The following PDE4D variants were observed in gnomAD, a reference collection of about 807,000 sequenced individuals.
The protein encoded by PDE4D is 3',5'-cyclic-AMP phosphodiesterase 4D.
Under a neutral mutation model 87.4 loss-of-function variants are expected in PDE4D, and 24 were observed. The observed-to-expected ratio is 0.27, with a 90% CI of 0.20 to 0.39. The LOEUF is 0.39. Ranked by LOEUF, PDE4D falls within the 10% of genes least tolerant of loss-of-function variation. PDE4D has a pLI of 1.00. For synonymous variants in PDE4D, 384 were observed against 383.2 expected, an observed-to-expected ratio of 1.00 and a Z score of -0.02; for missense variants, 714 against 1,041.0, an observed-to-expected ratio of 0.69 and a Z score of 4.32.
intron 2 of PDE4D, among the ~76,000 whole-genome samples, chr5:60,108,825 G>A (rs1286172843): frequency 2.0e-5 from 3 of 152,012 alleles, no homozygotes; most frequent in Admixed American, 2.0e-4. Context: ...AGCTGAAACT[G>A]GATCCCTTCC....
intron 2 of PDE4D, among the ~76,000 whole-genome samples, chr5:60,140,243 A>T (rs527919318): frequency 6.6e-6 from 1 of 152,218 alleles, no homozygotes; most frequent in Non-Finnish European, 1.5e-5. Flanking sequence ...ATAATTATTT[A>T]AAAAGTATTC....
intron 1 of PDE4D, among the ~76,000 whole-genome samples, chr5:60,366,707 C>T (rs1303921464): frequency 1.3e-5 from 2 of 152,200 alleles, no homozygotes; most frequent in African/African-American, 4.8e-5. Flanking sequence ...TGCCGTTCTG[C>T]ACTTACTCAC....
chr5:59,426,406 CTGT>C (rs1795212365), intron 1 of PDE4D, among the ~76,000 whole-genome samples: 1 of 152,150 alleles, frequency 6.6e-6, no homozygotes, highest in Non-Finnish European at 1.5e-5. Flanking sequence ...GTATTCCTTC[CTGT>C]CTTCTGGATC....
intron 6 of PDE4D, among the ~76,000 whole-genome samples, chr5:59,037,015 T>A (rs868718806): frequency 9.3e-5 from 14 of 151,200 alleles, no homozygotes; most frequent in East Asian, 5.8e-4. Context: ...ATTTTTTTTT[T>A]AAATCCCTGT....
chr5:60,024,761 A>T (rs1766444251), intron 2 of PDE4D, among the ~76,000 whole-genome samples: 1 of 152,058 alleles, frequency 6.6e-6, no homozygotes, highest in African/African-American at 2.4e-5. Context: ...TCAGTGGAAA[A>T]CTCTGAAAAA....
chr5:59,598,681 G>T (rs568416822), intron 1 of PDE4D, among the ~76,000 whole-genome samples: 1 of 152,216 alleles, frequency 6.6e-6, no homozygotes, highest in Non-Finnish European at 1.5e-5. Flanking sequence ...GGTCTAGTGT[G>T]CAGGTGATAG....
intron 1 of PDE4D, among the ~76,000 whole-genome samples, chr5:59,241,458 C>T (rs1757661679): frequency 6.6e-6 from 1 of 152,184 alleles, no homozygotes; most frequent in African/African-American, 2.4e-5. Flanking sequence ...TTGTCCTATT[C>T]CTGACATATT....
At chr5:59,417,891 C>T (rs6892534) in intron 1 of PDE4D, among the ~76,000 whole-genome samples, 11,679 of 152,188 alleles carry the variant, frequency 0.077, 1,353 homozygotes, top group African/African-American at 0.25. Flanking sequence ...GACCATTCCA[C>T]GTTAGGCCCT....
At chr5:59,392,988 G>C (rs762879498) in intron 1 of PDE4D, among the ~76,000 whole-genome samples, 1 of 152,160 alleles carries the variant, frequency 6.6e-6, no homozygotes, top group African/African-American at 2.4e-5. Flanking sequence ...AGGGGAAGTA[G>C]AGTTTGAAGA....
intron 1 of PDE4D, among the ~76,000 whole-genome samples, chr5:59,622,880 C>T (rs1230898886): frequency 1.3e-5 from 2 of 152,166 alleles, no homozygotes; most frequent in African/African-American, 4.8e-5. Context: ...CAACTCAGCT[C>T]ATATCCCATT....
rs954382060 is a variant in PDE4D at position 58,971,306 on chromosome 5, G to C, written c.*3358C>G. 3 of 152,458 alleles carry C rather than the reference G, an allele frequency of 2.0e-5. No individual in the cohort carries two copies. The highest frequency in any genetic ancestry group is 7.2e-5 in the African/African-American group (3 of 41,388). The allele number at this position is 152,458 out of a possible 1,614,324, so 9.4% of individuals were successfully genotyped here. A position where few individuals can be genotyped will look rare whatever the true frequency, so the allele number is the denominator to read the frequency against. On this transcript the variant is annotated 3_prime_UTR_variant, in exon 15 of 15. Coordinates refer to ENST00000340635, the MANE Select transcript of PDE4D (RefSeq NM_001104631.2). Reference sequence around the variant, plus strand: ...CCATAAACAAGCTCTAAGGTGACAAGACTATATTACAGGAGAAAAGAAAAA... The same window carrying C: ...CCATAAACAAGCTCTAAGGTGACAACACTATATTACAGGAGAAAAGAAAAA...
chr5:60,276,326 G>A (rs1751362969), intron 1 of PDE4D, among the ~76,000 whole-genome samples: 1 of 152,172 alleles, frequency 6.6e-6, no homozygotes, highest in Non-Finnish European at 1.5e-5. Flanking sequence ...ATGCATTTAA[G>A]ATTGCTAAAT....
chr5:60,338,322 C>T (rs891792142), intron 1 of PDE4D, among the ~76,000 whole-genome samples: 3 of 152,162 alleles, frequency 2.0e-5, no homozygotes, highest in Non-Finnish European at 2.9e-5. Context: ...AACCCAGGCG[C>T]GCAAGATGCC....
At chr5:59,927,803 C>T (rs1424537336) in intron 3 of PDE4D, among the ~76,000 whole-genome samples, 3 of 152,182 alleles carry the variant, frequency 2.0e-5, no homozygotes, top group Non-Finnish European at 4.4e-5. Context: ...TTCTACATCA[C>T]TTATACTGAA....
At chr5:60,352,217 T>C (rs1298759317) in intron 1 of PDE4D, among the ~76,000 whole-genome samples, 2 of 152,094 alleles carry the variant, frequency 1.3e-5, no homozygotes, top group African/African-American at 4.8e-5. Flanking sequence ...TAATACAAAT[T>C]TCCTCCCAAG....
intron 1 of PDE4D, among the ~76,000 whole-genome samples, chr5:60,476,439 A>G (rs1213659753): frequency 6.6e-6 from 1 of 152,136 alleles, no homozygotes; most frequent in Non-Finnish European, 1.5e-5. Context: ...CATGACTGTC[A>G]TAGCCTCCCA....
intron 1 of PDE4D, among the ~76,000 whole-genome samples, chr5:59,340,906 C>T (rs1364645326): frequency 6.6e-6 from 1 of 152,026 alleles, no homozygotes; most frequent in African/African-American, 2.4e-5. Context: ...GTGTATGTAC[C>T]ATATTTTCTT....
At chr5:59,717,967 T>C (rs17742447) in intron 1 of PDE4D, among the ~76,000 whole-genome samples, 33,095 of 152,202 alleles carry the variant, frequency 0.22, 4,035 homozygotes, top group Middle Eastern at 0.44. Context: ...CTGAATATGC[T>C]GTAAAATTGC....
chr5:60,001,007 G>A (rs1242497101), intron 2 of PDE4D, among the ~76,000 whole-genome samples: 1 of 152,150 alleles, frequency 6.6e-6, no homozygotes, highest in Non-Finnish European at 1.5e-5. Flanking sequence ...CTTGGCCCAA[G>A]GTCAATCTTG....
Sources: allele counts gnomAD v4.1 joint callset (sites outside exome capture counted in the v4.1 genomes callset), GRCh38; gene constraint gnomAD v4.1.1; transcripts MANE v1.5; gene names NCBI Gene and HGNC (gene_info 2026-07-23, HGNC 2026-07-21).